Variants in PDZRN4 observed in about 807,000 individuals in gnomAD.
PDZRN4 encodes PDZ domain-containing RING finger protein 4.
PDZRN4 carries 70 observed loss-of-function variants against 99.0 expected under a neutral mutation model. The observed-to-expected ratio is 0.71, with a 90% CI of 0.58 to 0.86. The LOEUF (loss-of-function observed/expected upper bound fraction) is 0.86, where lower values mean the gene tolerates loss of function less well. Among genes scored for constraint, PDZRN4 ranks in the 40% least tolerant of loss-of-function variants. The pLI, the probability that PDZRN4 is intolerant of heterozygous loss-of-function variation, is 0.00. For missense variants in PDZRN4, 1,474 were observed against 1,331.2 expected (o/e 1.11, Z -1.67); for synonymous variants, 551 against 501.6 (o/e 1.10, Z -1.32).
intron 3 of PDZRN4, among the ~76,000 whole-genome samples, chr12:41,290,807 G>A (rs1951452460): frequency 6.6e-6 from 1 of 151,512 alleles, no homozygotes; most frequent in Non-Finnish European, 1.5e-5. Context: ...ACCTTTCCTG[G>A]GTCTGCCATG....
At chr12:41,563,676 G>T in intron 8 of PDZRN4, 27 bp downstream of exon 8, 1 of 1,452,222 alleles carries the variant, frequency 6.9e-7, no homozygotes, top group South Asian at 1.2e-5. Context: ...AAAGCCTTGA[G>T]ACTGAACTTT....
At chr12:41,229,054 CT>C (rs2120747369) in intron 3 of PDZRN4, among the ~76,000 whole-genome samples, 1 of 151,900 alleles carries the variant, frequency 6.6e-6, no homozygotes, top group South Asian at 2.1e-4. Flanking sequence ...CAATCAAATT[CT>C]GCATGATGTA....
intron 3 of PDZRN4, among the ~76,000 whole-genome samples, chr12:41,288,701 T>C (rs751931599): frequency 6.6e-6 from 1 of 152,196 alleles, no homozygotes; most frequent in Non-Finnish European, 1.5e-5. Context: ...TTCTAGGAAC[T>C]GCTTTTCTTG....
At chr12:41,360,494 C>T (rs1951956484) in intron 3 of PDZRN4, among the ~76,000 whole-genome samples, 1 of 151,938 alleles carries the variant, frequency 6.6e-6, no homozygotes, top group Non-Finnish European at 1.5e-5. Flanking sequence ...TGGGGTGAGT[C>T]TTTACTTTTA....
At chr12:41,559,022 G>A (rs157972) in intron 7 of PDZRN4, among the ~76,000 whole-genome samples, 107,654 of 152,030 alleles carry the variant, frequency 0.71, 38,809 homozygotes, top group East Asian at 0.89. Flanking sequence ...ATTTAAATGA[G>A]TCCCTTTAGA....
chr12:41,245,852 T>C (rs897374471), intron 3 of PDZRN4, among the ~76,000 whole-genome samples: 5 of 152,158 alleles, frequency 3.3e-5, no homozygotes, highest in Admixed American at 6.5e-5. Flanking sequence ...TTATGTCACA[T>C]CTGCCCTGCA....
At chr12:41,437,813 T>C (rs1415590679) in intron 3 of PDZRN4, 1 of 1,569,864 alleles carries the variant, frequency 6.4e-7, no homozygotes, top group Non-Finnish European at 8.6e-7. Context: ...TAACAGCGGT[T>C]TGTCTGTGTT....
At chr12:41,485,122 G>T (rs1418424427) in intron 3 of PDZRN4, among the ~76,000 whole-genome samples, 1 of 152,126 alleles carries the variant, frequency 6.6e-6, no homozygotes, top group African/African-American at 2.4e-5. Flanking sequence ...TCTACAGTAA[G>T]TTGCAGTAAA....
At chr12:41,315,134 G>A (rs1951630298) in intron 3 of PDZRN4, among the ~76,000 whole-genome samples, 1 of 152,028 alleles carries the variant, frequency 6.6e-6, no homozygotes, top group Non-Finnish European at 1.5e-5. Context: ...CATATTTTCA[G>A]TCTGAAAGCT....
chr12:41,228,359 G>C (rs1258183595), intron 3 of PDZRN4, among the ~76,000 whole-genome samples: 1 of 152,128 alleles, frequency 6.6e-6, no homozygotes, highest in African/African-American at 2.4e-5. Context: ...TGGGGCAGAA[G>C]TCAGACTTAC....
chr12:41,216,971 G>A (rs952313135), intron 3 of PDZRN4, among the ~76,000 whole-genome samples: 3 of 152,068 alleles, frequency 2.0e-5, no homozygotes, highest in Non-Finnish European at 4.4e-5. Context: ...TTTGTCTCAT[G>A]AAGAAATCAA....
chr12:41,449,102 G>A (rs934323502), intron 3 of PDZRN4, among the ~76,000 whole-genome samples: 1 of 151,928 alleles, frequency 6.6e-6, no homozygotes, highest in South Asian at 2.1e-4. Flanking sequence ...CTGTCAAACC[G>A]ACCAACACAC....
At chr12:41,442,086 T>C (rs1952684598) in intron 3 of PDZRN4, among the ~76,000 whole-genome samples, 1 of 152,124 alleles carries the variant, frequency 6.6e-6, no homozygotes. Context: ...AGAAAACATG[T>C]CTTATTCCAG....
chr12:41,188,965 C>G lies in PDZRN4; in HGVS notation c.510C>G (p.Arg170=), dbSNP rs1418098563. The part of the protein sequence containing the change: ...PGPRVLAWRR[R]EKALLAQLWA... ...CTCGGGTCCTCGCCTGGAGGCGGCGCGAGAAGGCGCTGCTGGCGCAGCTCT... is the reference window on the plus strand; with the variant it reads ...CTCGGGTCCTCGCCTGGAGGCGGCGGGAGAAGGCGCTGCTGGCGCAGCTCT... The change falls in exon 1 of 10, where the codon CGC becomes CGG. Residue 170 remains arginine (R), a synonymous_variant. Transcript: ENST00000402685. The G allele has an allele frequency of 4.8e-6, 7 of 1,465,172 alleles. No individual in the cohort carries two copies. Among genetic ancestry groups the G allele is most frequent in the Non-Finnish European group, 6.3e-6 (7 of 1,109,910 alleles). 90.8% of individuals were successfully genotyped at this position (1,465,172 alleles called of 1,614,324 possible). A position where few individuals can be genotyped will look rare whatever the true frequency, so the allele number is the denominator to read the frequency against.
At chr12:41,251,151 T>C (rs1365455543) in intron 3 of PDZRN4, among the ~76,000 whole-genome samples, 3 of 152,192 alleles carry the variant, frequency 2.0e-5, no homozygotes, top group African/African-American at 7.2e-5. Context: ...ACAATAGTTT[T>C]GGTACCCATC....
intron 3 of PDZRN4, among the ~76,000 whole-genome samples, chr12:41,328,981 T>A (rs1272161139): frequency 6.6e-6 from 1 of 152,072 alleles, no homozygotes; most frequent in Non-Finnish European, 1.5e-5. Context: ...TTAAACAAAT[T>A]TGGGCACTAT....
chr12:41,300,960 G>A (rs936453839), intron 3 of PDZRN4, among the ~76,000 whole-genome samples: 3 of 151,988 alleles, frequency 2.0e-5, no homozygotes, highest in African/African-American at 7.2e-5. Context: ...AAGCAGCCAA[G>A]GTGAAAGGGG....
intron 3 of PDZRN4, among the ~76,000 whole-genome samples, chr12:41,419,211 G>C (rs1952470935): frequency 6.6e-6 from 1 of 152,128 alleles, no homozygotes; most frequent in Non-Finnish European, 1.5e-5. Context: ...AAGTAGGATG[G>C]CTTCTGTGAG....
intron 3 of PDZRN4, among the ~76,000 whole-genome samples, chr12:41,427,353 A>G (rs1187104766): frequency 6.6e-6 from 1 of 152,224 alleles, no homozygotes; most frequent in Non-Finnish European, 1.5e-5. Context: ...TATTTATTGA[A>G]CACGTACATG....
Sources: gnomAD v4.1 joint callset for allele counts (sites outside exome capture counted in the v4.1 genomes callset) on GRCh38, gnomAD v4.1.1 for gene constraint, MANE v1.5 for transcripts, NCBI Gene and HGNC (gene_info 2026-07-23, HGNC 2026-07-21) for gene names.